EPB41L3: variants seen among roughly 807,000 people sequenced by gnomAD.
EPB41L3 encodes the protein erythrocyte membrane protein band 4.1 like 3, also known as band 4.1-like protein 3.
In EPB41L3, 57 loss-of-function variants were observed where a neutral mutation model predicts 127.1. The observed-to-expected ratio is 0.45, with a 90% confidence interval of 0.36 to 0.56. The LOEUF is 0.56. Ranked by LOEUF, EPB41L3 falls within the 20% of genes least tolerant of loss-of-function variation. The probability of loss-of-function intolerance (pLI) is 0.00; values close to 1 mark genes in which losing one functional copy is unlikely to be tolerated. For synonymous variants in EPB41L3, 572 were observed against 549.5 expected (o/e 1.04, Z -0.57); for missense variants, 1,273 against 1,372.2 (o/e 0.93, Z 1.14).
chr18:5,432,043 A>G (rs933988182), intron 8 of EPB41L3, among the ~76,000 whole-genome samples: 1 of 152,174 alleles, frequency 6.6e-6, no homozygotes, highest in African/African-American at 2.4e-5. Flanking sequence ...AGATTTTGCT[A>G]GTGCTCAGGC....
chr18:5,540,560 A>G, intron 1 of EPB41L3: 1 of 985,490 alleles, frequency 1.0e-6, no homozygotes, highest in Non-Finnish European at 1.2e-6. Context: ...AAATAACAGC[A>G]GAACCCTCCC....
chr18:5,530,697 C>T (rs1318951972), intron 1 of EPB41L3, among the ~76,000 whole-genome samples: 1 of 152,198 alleles, frequency 6.6e-6, no homozygotes, highest in Non-Finnish European at 1.5e-5. Context: ...CCCTTCTCCA[C>T]CGCATGGCTC....
At chr18:5,605,160 A>C (rs1159332121) in intron 3 of EPB41L3, among the ~76,000 whole-genome samples, 2 of 152,162 alleles carry the variant, frequency 1.3e-5, no homozygotes. Flanking sequence ...AGTACTCCCC[A>C]GGTAAGGTAG....
At chr18:5,484,659 C>G (rs527760146) in intron 2 of EPB41L3, among the ~76,000 whole-genome samples, 2 of 151,728 alleles carry the variant, frequency 1.3e-5, no homozygotes, top group South Asian at 4.2e-4. Flanking sequence ...GGAGACATAG[C>G]AACTGGGACC....
rs118095772 is a variant in EPB41L3 at position 5,607,556 on chromosome 18, A to G, written c.-306+4784T>C. Among the ~76,000 whole-genome samples, 19 of 152,334 alleles carry G rather than the reference A, an allele frequency of 1.2e-4. No individual in the cohort carries two copies. The East Asian group carries it at 2.9e-3, about 23-fold the overall frequency. On this transcript the variant is annotated intron_variant, in intron 3 of 21. Transcript: ENST00000545076. The stretch of plus-strand genomic sequence containing the variant: ...CTCACAATTAGATTTTGAAGCCCCA[A>G]CACTCAATAACAAGAGCTGAAAATC...
intron 1 of EPB41L3, among the ~76,000 whole-genome samples, chr18:5,498,602 A>AAAAAAAG (rs1242236319): frequency 6.7e-6 from 1 of 149,500 alleles, no homozygotes; most frequent in Non-Finnish European, 1.5e-5. Context: ...CTCAAAAAAA[A>AAAAAAAG]AAAAAAAAAG....
At chr18:5,459,376 G>A (rs576243029) in intron 3 of EPB41L3, among the ~76,000 whole-genome samples, 4 of 148,638 alleles carry the variant, frequency 2.7e-5, no homozygotes, top group African/African-American at 7.5e-5. Flanking sequence ...TGTATTGAGA[G>A]CCTAATGTCC....
chr18:5,457,044 G>A (rs2083203875), intron 3 of EPB41L3, among the ~76,000 whole-genome samples: 1 of 152,200 alleles, frequency 6.6e-6, no homozygotes, highest in Admixed American at 6.5e-5. Context: ...TTTAAGTTCT[G>A]TGGTTACAAT....
intron 3 of EPB41L3, among the ~76,000 whole-genome samples, chr18:5,451,606 A>ATC: frequency 6.6e-6 from 1 of 152,352 alleles, no homozygotes; most frequent in East Asian, 1.9e-4. Context: ...CCTGCATGTC[A>ATC]TCTTTCACAG....
intron 1 of EPB41L3, among the ~76,000 whole-genome samples, chr18:5,535,290 C>A (rs1167616809): frequency 6.6e-6 from 1 of 152,078 alleles, no homozygotes; most frequent in Non-Finnish European, 1.5e-5. Context: ...GTCCTTGGTG[C>A]TAAAAAGGTT....
chr18:5,524,342 T>A (rs1340189512), intron 1 of EPB41L3, among the ~76,000 whole-genome samples: 1 of 152,060 alleles, frequency 6.6e-6, no homozygotes, highest in Non-Finnish European at 1.5e-5. Context: ...TACAGGCACC[T>A]GCCACCACGC....
chr18:5,575,402 T>A (rs1055930031), intron 3 of EPB41L3, among the ~76,000 whole-genome samples: 3 of 152,246 alleles, frequency 2.0e-5, no homozygotes, highest in Middle Eastern at 3.4e-3. Context: ...CGCCCCTGTT[T>A]GTTACCATGA....
chr18:5,540,998 T>G (rs1379581268), intron 1 of EPB41L3, among the ~76,000 whole-genome samples: 3 of 145,540 alleles, frequency 2.1e-5, no homozygotes, highest in South Asian at 4.3e-4. Context: ...GGCAGGAGAA[T>G]GGCGTGAACC....
intron 3 of EPB41L3, among the ~76,000 whole-genome samples, chr18:5,562,013 C>T (rs1357954394): frequency 3.3e-5 from 5 of 152,136 alleles, no homozygotes; most frequent in South Asian, 4.1e-4. Flanking sequence ...ACTGAAGAAC[C>T]GCCATGGATG....
rs559761179 is a variant in EPB41L3 at position 5,393,267 on chromosome 18, T to C, written c.*218A>G. 1.1e-5 allele frequency: 5 copies of C among 438,914 alleles called. No homozygotes were observed. The highest frequency in any genetic ancestry group is 3.5e-5 in the East Asian group (1 of 28,898). The allele number at this position is 438,914 out of a possible 1,614,324, so 27.2% of individuals were successfully genotyped here. A position where few individuals can be genotyped will look rare whatever the true frequency, so the allele number is the denominator to read the frequency against. Reference sequence around the variant, plus strand: ...CTTTTGTAATTTTATCGTTGCTTCATGCATTATCGGTTTAGTGATGCTGAA... The same window carrying C: ...CTTTTGTAATTTTATCGTTGCTTCACGCATTATCGGTTTAGTGATGCTGAA... On this transcript the variant is annotated 3_prime_UTR_variant, in exon 23 of 23. Coordinates refer to ENST00000341928, the MANE Select transcript of EPB41L3 (RefSeq NM_012307.5).
chr18:5,421,937 T>G (rs982980562), intron 11 of EPB41L3, among the ~76,000 whole-genome samples: 1 of 152,330 alleles, frequency 6.6e-6, no homozygotes. Flanking sequence ...TTCAGCCATG[T>G]GGCCAAAAAC....
rs1360458143 is a variant in EPB41L3, at chr18:5,610,798, T to C, written c.-306+1542A>G. ...AAAGAAGATACCAAAAAGAAATAAG[T>C]TATTATTATCTTTTTATAGAGGCCC... On this transcript the variant is annotated intron_variant, in intron 3 of 21. Coordinates refer to the EPB41L3 transcript ENST00000545076. Among the ~76,000 whole-genome samples, 4 of 152,158 alleles carry C rather than the reference T, an allele frequency of 2.6e-5. 1 individual carries two copies. Among genetic ancestry groups the C allele is most frequent in the Admixed American group, 6.5e-5 (1 of 15,276 alleles).
chr18:5,574,594 C>T (rs911827846), intron 3 of EPB41L3, among the ~76,000 whole-genome samples: 3 of 152,048 alleles, frequency 2.0e-5, no homozygotes, highest in African/African-American at 7.2e-5. Flanking sequence ...ATGCTGCACA[C>T]TCCTGCTTTC....
At chr18:5,457,351 T>G (rs1202572905) in intron 3 of EPB41L3, among the ~76,000 whole-genome samples, 15 of 151,992 alleles carry the variant, frequency 9.9e-5, no homozygotes, top group Admixed American at 9.8e-4. Context: ...GGTTCAGGAC[T>G]GAGGGGCTCG....
Sources: allele counts gnomAD v4.1 joint callset (sites outside exome capture counted in the v4.1 genomes callset), GRCh38; gene constraint gnomAD v4.1.1; transcripts MANE v1.5; gene names NCBI Gene and HGNC (gene_info 2026-07-23, HGNC 2026-07-21).